Variants in CARS1 observed in about 807,000 individuals in gnomAD.
The protein encoded by CARS1 is cysteine--tRNA ligase, cytoplasmic.
Under a neutral mutation model 106.2 loss-of-function variants are expected in CARS1, and 48 were observed. The observed-to-expected ratio is 0.45, with a 90% CI of 0.36 to 0.57. The LOEUF (loss-of-function observed/expected upper bound fraction) is 0.57. Ranked by LOEUF, CARS1 falls within the 20% of genes least tolerant of loss-of-function variation. CARS1 has a pLI of 0.00. For missense variants in CARS1, 968 were observed against 1,057.2 expected (o/e 0.92, Z 1.17); for synonymous variants, 409 against 403.4 (o/e 1.01, Z -0.17).
Position 3,019,925 on chromosome 11 carries a change from C to T in CARS1, c.1266+295G>A, listed in dbSNP as rs1462398303. Reference sequence around the variant, plus strand: ...CCTACACCCTGGGGCCTGGAATACTCAGAGTCACAGAACACAAGAACCAAG... The same window carrying T: ...CCTACACCCTGGGGCCTGGAATACTTAGAGTCACAGAACACAAGAACCAAG... On this transcript the variant is annotated intron_variant, in intron 11 of 22. Transcript: ENST00000380525. This position sits in a 1 kb window ranked among gnomAD's most constrained non-coding sequence, Gnocchi z 6.2. Among the ~76,000 whole-genome samples, 2 of 152,156 alleles carry T rather than the reference C, an allele frequency of 1.3e-5. No homozygotes were observed. The highest frequency in any genetic ancestry group is 4.8e-5 in the African/African-American group (2 of 41,436).
chr11:3,037,872 G>A lies in CARS1; in HGVS notation c.801+178C>T, dbSNP rs574474731. ...AAATGGGGCAAAGGGGTGTGGGAGG[G>A]GAGGGGCACTGACTCAGCCACCGCA... is the stretch of plus-strand genomic sequence containing the variant. On this transcript the variant is annotated intron_variant, in intron 7 of 22. Coordinates refer to ENST00000380525, the MANE Select transcript of CARS1 (RefSeq NM_001014437.3). The surrounding 1 kb of genome is among the most constrained non-coding windows in gnomAD (Gnocchi z 5.9). Among the ~76,000 whole-genome samples, 143 of 152,256 alleles carry A rather than the reference G, an allele frequency of 9.4e-4. No individual in the cohort carries two copies. The highest frequency in any genetic ancestry group is 3.2e-3 in the African/African-American group (134 of 41,562).
At position 3,043,457 on chromosome 11, in the gene CARS1, C is replaced by T. The variant is rs1008728900; in HGVS notation, c.275-1201G>A. 9.9e-5 allele frequency among the ~76,000 whole-genome samples: 15 copies of T among 151,796 alleles called. No homozygotes were observed. Among genetic ancestry groups the T allele is most frequent in the Admixed American group, 9.2e-4 (14 of 15,220 alleles). ...GGTCCAGGTTCTGCGTTATGCTCTG[C>T]TGGGCACCTCTGACCCCAGCTGGTG... On this transcript the variant is annotated intron_variant, in intron 2 of 22. Transcript: ENST00000380525. This position sits in a 1 kb window ranked among gnomAD's most constrained non-coding sequence, Gnocchi z 4.0.
chr11:3,047,849 C>T lies in CARS1; in HGVS notation c.178G>A (p.Asp60Asn). ...CGAGCCACGTGGAAGAGCTGGGGGT[C>T]AGCGGGCGGGGCCGAGAGCTGCCTG... ...AFRQLSAPPA[D>N]PQLFHVARWF... Residue 60 changes from aspartate to asparagine, a missense_variant, in exon 2 of 23, where the codon GAC becomes AAC. By Grantham distance (23) the Asp-to-Asn change is conservative. Coordinates refer to ENST00000380525, the MANE Select transcript of CARS1 (RefSeq NM_001014437.3). 1 of 1,614,126 alleles carries T rather than the reference C, an allele frequency of 6.2e-7. No individual in the cohort carries two copies. The highest frequency in any genetic ancestry group is 1.1e-5 in the South Asian group (1 of 91,080).
intron 1 of CARS1, among the ~76,000 whole-genome samples, chr11:3,049,537 C>T (rs1344141200): frequency 1.3e-5 from 2 of 152,238 alleles, no homozygotes; most frequent in African/African-American, 4.8e-5. Flanking sequence ...CCCATGAGCA[C>T]AGGTGCATCC....
At position 3,017,268 on chromosome 11, in the gene CARS1, G is replaced by A. The variant is rs775606208; in HGVS notation, c.1755C>T (p.His585=). ...KNFYDKKTAI[H]KALCDNVDTR... ...TGTCAACATTGTCACAGAGGGCTTT[G>A]TGAATTGCTGTCTTCTTGTCATAAA... Residue 585 remains histidine (H), a synonymous_variant, in exon 16 of 23, where the codon CAC becomes CAT. Coordinates refer to ENST00000380525, the MANE Select transcript of CARS1 (RefSeq NM_001014437.3). This position sits in a 1 kb window ranked among gnomAD's most constrained non-coding sequence, Gnocchi z 4.9. 25 of 1,613,864 alleles carry A rather than the reference G, an allele frequency of 1.5e-5. No homozygotes were observed. In the South Asian group the frequency reaches 2.1e-4, roughly 13 times the overall value.
chr11:3,021,124 G>A lies in CARS1; in HGVS notation c.1154-792C>T, dbSNP rs1851533274. Among the ~76,000 whole-genome samples the A allele has an allele frequency of 6.6e-6, 1 of 152,146 alleles. No homozygotes were observed. The highest frequency in any genetic ancestry group is 2.4e-5 in the African/African-American group (1 of 41,440). On this transcript the variant is annotated intron_variant, in intron 10 of 22. Coordinates refer to ENST00000380525, the MANE Select transcript of CARS1 (RefSeq NM_001014437.3). This position sits in a 1 kb window ranked among gnomAD's most constrained non-coding sequence, Gnocchi z 5.3. ...TGACACTCAGGGTACAAGGCGGTCT[G>A]AGTCCCCAGAAAAGGAATGCACCAT...
Position 3,029,550 on chromosome 11 carries a change from C to A in CARS1, c.802-107G>T, listed in dbSNP as rs776914100. The A allele has an allele frequency of 6.3e-5, 80 of 1,278,680 alleles. No individual in the cohort carries two copies. The highest frequency in any genetic ancestry group is 4.4e-5 in the Admixed American group (2 of 45,714). The allele number at this position is 1,278,680 out of a possible 1,614,324, so 79.2% of individuals were successfully genotyped here. A position where few individuals can be genotyped will look rare whatever the true frequency, so the allele number is the denominator to read the frequency against. On this transcript the variant is annotated intron_variant, in intron 7 of 22. Coordinates refer to ENST00000380525, the MANE Select transcript of CARS1 (RefSeq NM_001014437.3). This position sits in a 1 kb window ranked among gnomAD's most constrained non-coding sequence, Gnocchi z 5.9. ...AGTGCCCTGAATTCAAAGGTGCTGACCTTGACCTGTGAAGAGCCACCGTCT... is the reference window on the plus strand; with the variant it reads ...AGTGCCCTGAATTCAAAGGTGCTGAACTTGACCTGTGAAGAGCCACCGTCT...
At position 3,001,241 on chromosome 11, in the gene CARS1, G is replaced by T; in HGVS notation, c.2369C>A (p.Pro790His). ...CTCTTTGCCCTCCATGTCATGTGTG[G>T]GCAGACCCTGAAAACCCAGAGCACA... ...KYSKFDENGL[P>H]THDMEGKELS... is the part of the protein sequence containing the mutation. The change falls in exon 23 of 23, where the codon CCC (proline) becomes CAC (histidine). Residue 790 changes from proline to histidine, a missense_variant. Transcript: ENST00000380525. 6.2e-7 allele frequency: 1 copy of T among 1,613,528 alleles called. No homozygotes were observed.
Position 3,000,955 on chromosome 11 carries a change from A to G in CARS1, c.*159T>C, listed in dbSNP as rs763572244. 5.3e-5 allele frequency: 40 copies of G among 760,054 alleles called. No individual in the cohort carries two copies. Among genetic ancestry groups the G allele is most frequent in the Non-Finnish European group, 8.2e-5 (38 of 466,096 alleles). 47.1% of individuals were successfully genotyped at this position (760,054 alleles called of 1,614,324 possible). ...CACTGTTGAGAAAAATTTATTATCA[A>G]TGTCTCAGAGCCAACGACGACACGA... On this transcript the variant is annotated 3_prime_UTR_variant, in exon 23 of 23. Transcript: ENST00000380525. This position sits in a 1 kb window ranked among gnomAD's most constrained non-coding sequence, Gnocchi z 7.1.
intron 18 of CARS1, chr11:3,007,830 C>G (rs971425808): frequency 6.6e-6 from 1 of 152,390 alleles, no homozygotes; most frequent in South Asian, 2.1e-4. Context: ...GGCGCCCCCT[C>G]TGTGTCTCTG....
Position 3,041,178 on chromosome 11 carries a change from T to C in CARS1, c.367-194A>G. On this transcript the variant is annotated intron_variant, in intron 3 of 22. Coordinates refer to ENST00000380525, the MANE Select transcript of CARS1 (RefSeq NM_001014437.3). This position sits in a 1 kb window ranked among gnomAD's most constrained non-coding sequence, Gnocchi z 4.9. ...GAGATGTACGGCACCTCCCACCAAC[T>C]GAGCCCTGGGTGGGTGGGGCCTCTT... is the stretch of plus-strand genomic sequence containing the variant. 1 of 742,178 alleles carries C rather than the reference T, an allele frequency of 1.3e-6. No homozygotes were observed. The highest frequency in any genetic ancestry group is 3.1e-5 in the Admixed American group (1 of 32,298). The allele number at this position is 742,178 out of a possible 1,614,324, so 46.0% of individuals were successfully genotyped here.
At position 3,004,945 on chromosome 11, in the gene CARS1, A is replaced by G. The variant is rs190684233; in HGVS notation, c.2217+421T>C. Among the ~76,000 whole-genome samples, 1,290 of 152,014 alleles carry G rather than the reference A, an allele frequency of 8.5e-3. 21 individuals carry two copies. The highest frequency in any genetic ancestry group is 0.03 in the African/African-American group (1,225 of 41,484). On this transcript the variant is annotated intron_variant, in intron 20 of 22. Coordinates refer to ENST00000380525, the MANE Select transcript of CARS1 (RefSeq NM_001014437.3). This position sits in a 1 kb window ranked among gnomAD's most constrained non-coding sequence, Gnocchi z 5.2. ...ACATGGTGAAACCCCATCTCTACTA[A>G]AAAAATACAAAAATTAGCTGGGCAC...
rs1375163332 is a variant in CARS1 at position 3,037,540 on chromosome 11, G to A, written c.801+510C>T. Among the ~76,000 whole-genome samples the A allele has an allele frequency of 2.0e-5, 3 of 152,234 alleles. No individual in the cohort carries two copies. Among genetic ancestry groups the A allele is most frequent in the African/African-American group, 7.2e-5 (3 of 41,466 alleles). ...CACAGGGAAAGGCCTGAGGAAGAGG[G>A]CAGGGTCCCCTCTGCACCCAGGTCT... On this transcript the variant is annotated intron_variant, in intron 7 of 22. Coordinates refer to ENST00000380525, the MANE Select transcript of CARS1 (RefSeq NM_001014437.3). The surrounding 1 kb of genome is among the most constrained non-coding windows in gnomAD (Gnocchi z 5.9).
Position 3,040,772 on chromosome 11 carries a change from A to C in CARS1, c.455+124T>G. On this transcript the variant is annotated intron_variant, in intron 4 of 22. Transcript: ENST00000380525. The surrounding 1 kb of genome is among the most constrained non-coding windows in gnomAD (Gnocchi z 5.8). ...GAAGAAATTCAGTCTTGATTCCTCA[A>C]ATCTCAGGTCTCTGTAGCAGATCTA... The C allele has an allele frequency of 3.0e-6, 3 of 995,904 alleles. No homozygotes were observed. Among genetic ancestry groups the C allele is most frequent in the Non-Finnish European group, 4.5e-6 (3 of 661,170 alleles). The allele number at this position is 995,904 out of a possible 1,614,324, so 61.7% of individuals were successfully genotyped here.
At position 3,044,804 on chromosome 11, in the gene CARS1, A is replaced by G. The variant is rs1243990022; in HGVS notation, c.275-2548T>C. Among the ~76,000 whole-genome samples the G allele has an allele frequency of 2.0e-5, 3 of 152,168 alleles. No homozygotes were observed. Among genetic ancestry groups the G allele is most frequent in the African/African-American group, 7.2e-5 (3 of 41,450 alleles). On this transcript the variant is annotated intron_variant, in intron 2 of 22. Coordinates refer to ENST00000380525, the MANE Select transcript of CARS1 (RefSeq NM_001014437.3). The surrounding 1 kb of genome is among the most constrained non-coding windows in gnomAD (Gnocchi z 4.4). The stretch of plus-strand genomic sequence containing the variant: ...CAACTATGAACCGCTCATGAGAGAC[A>G]TGGCTTTGAAACAGGGATGTGGGAG...
Position 3,017,315 on chromosome 11 carries a change from G to A in CARS1, c.1728-20C>T. On this transcript the variant is annotated intron_variant, in intron 15 of 22. Coordinates refer to ENST00000380525, the MANE Select transcript of CARS1 (RefSeq NM_001014437.3). The surrounding 1 kb of genome is among the most constrained non-coding windows in gnomAD (Gnocchi z 4.9). ...TAAAAGCTGAGCAACAAAGAGGAAG[G>A]AATGTGAAGTCAGACCTGAAAACAC... 1.2e-6 allele frequency: 2 copies of A among 1,606,206 alleles called. No homozygotes were observed. Among genetic ancestry groups the A allele is most frequent in the Middle Eastern group, 1.7e-4 (1 of 6,044 alleles).
intron 17 of CARS1, among the ~76,000 whole-genome samples, chr11:3,014,714 C>A (rs541485511): frequency 4.7e-4 from 71 of 152,352 alleles, no homozygotes; most frequent in Middle Eastern, 3.4e-3. Context: ...ACACCAACTA[C>A]CACAACCAAG....
rs868524535 is a variant in CARS1 at position 3,055,605 on chromosome 11, G to A, written c.25+1738C>T. On this transcript the variant is annotated intron_variant, in intron 1 of 22. Transcript: ENST00000380525. ...AATCTGCCTGCTGCCCTGACAGCCC[G>A]GAGAGGGCAATCCCAACCTATATGG... Among the ~76,000 whole-genome samples the A allele has an allele frequency of 6.6e-4, 100 of 152,246 alleles. 7 individuals carry two copies. The highest frequency in any genetic ancestry group is 2.2e-4 in the Non-Finnish European group (15 of 68,048).
chr11:3,024,176 C>T (rs1474335897), intron 10 of CARS1, among the ~76,000 whole-genome samples: 3 of 152,080 alleles, frequency 2.0e-5, no homozygotes, highest in African/African-American at 7.2e-5. Flanking sequence ...CAGGCGTGAG[C>T]CACTGCACCC....
Sources: gnomAD v4.1 joint callset for allele counts (sites outside exome capture counted in the v4.1 genomes callset) on GRCh38, gnomAD v4.1.1 for gene constraint, Gnocchi (gnomAD v3.1) non-coding constraint, MANE v1.5 for transcripts, NCBI Gene and HGNC (gene_info 2026-07-23, HGNC 2026-07-21) for gene names.